The following TPX2 variants were observed in gnomAD, a reference collection of about 807,000 sequenced individuals.
TPX2 encodes targeting protein for Xklp2.
TPX2 carries 21 observed loss-of-function variants against 93.6 expected under a neutral mutation model. The ratio of observed to expected loss-of-function variants is 0.22; its 90% CI spans 0.16 to 0.32. The LOEUF (loss-of-function observed/expected upper bound fraction) is 0.32, where lower values mean the gene tolerates loss of function less well. Among genes scored for constraint, TPX2 ranks in the 10% least tolerant of loss-of-function variants. The pLI is 1.00. For missense variants in TPX2, 776 were observed against 871.1 expected (o/e 0.89, Z 1.37); for synonymous variants, 281 against 298.3 (o/e 0.94, Z 0.60).
intron 12 of TPX2, among the ~76,000 whole-genome samples, chr20:31,790,226 G>GCT (rs1181818615): frequency 6.6e-6 from 1 of 152,122 alleles, no homozygotes; most frequent in Non-Finnish European, 1.5e-5. Context: ...ATTTCACTAT[G>GCT]CTAATGATTC....
Position 31,777,484 on chromosome 20 carries a change from C to A in TPX2, c.731-3C>A. ...TGTATGTTTTACTGTGTTCATCTCT[C>A]AGGGCAACCTGTGAAGAAATCAGTG... On this transcript the variant is annotated splice_region_variant and splice_polypyrimidine_tract_variant and intron_variant, in intron 8 of 17. Coordinates refer to ENST00000300403, the MANE Select transcript of TPX2 (RefSeq NM_012112.5). The A allele has an allele frequency of 4.3e-6, 7 of 1,613,270 alleles. No homozygotes were observed. The highest frequency in any genetic ancestry group is 5.9e-6 in the Non-Finnish European group (7 of 1,179,566).
intron 5 of TPX2, among the ~76,000 whole-genome samples, chr20:31,767,468 G>T (rs979313951): frequency 6.6e-6 from 1 of 151,796 alleles, no homozygotes; most frequent in Non-Finnish European, 1.5e-5. Flanking sequence ...GAACTCCTGG[G>T]TTCAAGTGAT....
chr20:31,753,235 A>C (rs950189163), intron 2 of TPX2, among the ~76,000 whole-genome samples: 2 of 152,224 alleles, frequency 1.3e-5, no homozygotes, highest in Non-Finnish European at 2.9e-5. Flanking sequence ...AAGAGGGCAG[A>C]AGGATGTAGA....
chr20:31,797,571 G>A (rs2062146321), intron 16 of TPX2, 56 bp downstream of exon 16: 8 of 1,480,600 alleles, frequency 5.4e-6, no homozygotes, highest in Non-Finnish European at 7.5e-6. Context: ...CTTCCCAGTG[G>A]GATGCTGGAA....
chr20:31,791,031 A>AC (rs2062097293), intron 12 of TPX2, among the ~76,000 whole-genome samples: 1 of 152,140 alleles, frequency 6.6e-6, no homozygotes, highest in South Asian at 2.1e-4. Flanking sequence ...GGCATTTCAG[A>AC]CAGAGAAAGC....
intron 17 of TPX2, 71 bp from the exon 18 acceptor site, chr20:31,800,899 A>C (rs2062167107): frequency 1.5e-6 from 2 of 1,308,962 alleles, no homozygotes; most frequent in East Asian, 4.6e-5. Context: ...CTCAAAAAGA[A>C]AAAAATAAAA....
intron 6 of TPX2, among the ~76,000 whole-genome samples, chr20:31,771,301 A>G (rs985257291): frequency 1.3e-5 from 2 of 152,178 alleles, no homozygotes; most frequent in Non-Finnish European, 2.9e-5. Flanking sequence ...GATGGTGAGC[A>G]GTTAGAGTCC....
At chr20:31,746,567 G>T (rs988736788) in intron 2 of TPX2, among the ~76,000 whole-genome samples, 3 of 152,126 alleles carry the variant, frequency 2.0e-5, no homozygotes, top group East Asian at 1.9e-4. Flanking sequence ...CTCTTTAATA[G>T]AAATAGGCAA....
chr20:31,746,662 C>T (rs2061785105), intron 2 of TPX2, among the ~76,000 whole-genome samples: 1 of 152,156 alleles, frequency 6.6e-6, no homozygotes, highest in Non-Finnish European at 1.5e-5. Flanking sequence ...CTGGTAGTCC[C>T]CTATTTCACC....
At chr20:31,786,345 A>G (rs2062065689) in intron 12 of TPX2, among the ~76,000 whole-genome samples, 1 of 150,538 alleles carries the variant, frequency 6.6e-6, no homozygotes, top group Admixed American at 6.6e-5. Context: ...AAAAAACAAC[A>G]GTCTACACCT....
intron 15 of TPX2, 85 bp downstream of exon 15, chr20:31,794,633 G>A: frequency 1.3e-6 from 2 of 1,512,132 alleles, no homozygotes; most frequent in Non-Finnish European, 8.9e-7. Context: ...AATCACCTGG[G>A]TTAACATGCT....
At chr20:31,777,778 A>AT (rs2062010693) in intron 9 of TPX2, 140 bp downstream of exon 9, 2 of 869,988 alleles carry the variant, frequency 2.3e-6, no homozygotes. Flanking sequence ...AATATAACAG[A>AT]TCTTTTTTTT....
intron 4 of TPX2, among the ~76,000 whole-genome samples, chr20:31,765,158 C>A (rs545588322): frequency 1.3e-5 from 2 of 151,266 alleles, no homozygotes; most frequent in Non-Finnish European, 2.9e-5. Context: ...TTTTCTATTT[C>A]GTTAAAAATG....
At position 31,798,248 on chromosome 20, in the gene TPX2, G is replaced by A. The variant is rs1409074417; in HGVS notation, c.1946-117G>A. 3.8e-6 allele frequency: 5 copies of A among 1,323,692 alleles called. No individual in the cohort carries two copies. In the African/African-American group the frequency reaches 5.8e-5, roughly 15 times the overall value. 82.0% of individuals were successfully genotyped at this position (1,323,692 alleles called of 1,614,324 possible). ...CTCTACCTTTCTCCCAATGGGGCTT[G>A]TTTAGAGCACAGTCTTCCTGTTAGT... On this transcript the variant is annotated intron_variant, in intron 16 of 17. Transcript: ENST00000300403.
intron 12 of TPX2, among the ~76,000 whole-genome samples, chr20:31,790,909 A>G (rs746020545): frequency 1.3e-5 from 2 of 152,206 alleles, no homozygotes; most frequent in Admixed American, 6.5e-5. Flanking sequence ...TAAAGGGGTC[A>G]GTTCTGTAGG....
intron 2 of TPX2, among the ~76,000 whole-genome samples, chr20:31,753,211 T>G (rs114749809): frequency 0.013 from 1,908 of 152,302 alleles, 35 homozygotes; most frequent in African/African-American, 0.044. Flanking sequence ...ACACCCTTCT[T>G]TAATTCACAA....
At chr20:31,770,284 C>A in intron 5 of TPX2, 59 bp from the exon 6 acceptor site, 1 of 1,188,666 alleles carries the variant, frequency 8.4e-7, no homozygotes, top group Non-Finnish European at 1.1e-6. Flanking sequence ...TTCTCAGGAA[C>A]ATTTGGATAT....
At position 31,760,197 on chromosome 20, in the gene TPX2, A is replaced by C. The variant is rs115481913; in HGVS notation, c.229+18A>C. 3,697 of 1,612,740 alleles carry C rather than the reference A, an allele frequency of 2.3e-3. 66 individuals are homozygous for C. In the African/African-American group the frequency reaches 0.044, roughly 19 times the overall value. On this transcript the variant is annotated intron_variant, in intron 4 of 17. Transcript: ENST00000300403. The stretch of plus-strand genomic sequence containing the variant: ...GAAACCAGGTAAGAAAACATCTTAG[A>C]AAAAAGCTCCTTGATAGAATGGTGG...
At chr20:31,784,834 A>T (rs757293292) in intron 12 of TPX2, among the ~76,000 whole-genome samples, 9 of 152,330 alleles carry the variant, frequency 5.9e-5, no homozygotes, top group Middle Eastern at 6.8e-3. Context: ...ACCTGCATAA[A>T]TGCGAAAGCG....
Sources: allele counts gnomAD v4.1 joint callset (sites outside exome capture counted in the v4.1 genomes callset), GRCh38; gene constraint gnomAD v4.1.1; transcripts MANE v1.5; gene names NCBI Gene and HGNC (gene_info 2026-07-23, HGNC 2026-07-21).